Variants in STEAP1B observed in about 807,000 individuals in gnomAD.
STEAP1B encodes the protein STEAP family protein MGC87042.
A neutral mutation model predicts 27.9 loss-of-function variants in STEAP1B; 13 were observed. The ratio of observed to expected loss-of-function variants is 0.47; its 90% confidence interval spans 0.30 to 0.74. STEAP1B has a LOEUF of 0.74. Among genes scored for constraint, STEAP1B ranks in the 30% least tolerant of loss-of-function variants. STEAP1B has a pLI of 0.06. For synonymous variants in STEAP1B, 86 were observed against 107.1 expected (o/e 0.80, Z 1.22); for missense variants, 250 against 298.7 (o/e 0.84, Z 1.20).
chr7:22,456,917 G>C (rs1295245882), intron 4 of STEAP1B, among the ~76,000 whole-genome samples: 1 of 136,816 alleles, frequency 7.3e-6, no homozygotes, highest in African/African-American at 2.8e-5. Flanking sequence ...CTGCACCGCA[G>C]ACCACCTGAT....
At chr7:22,454,379 G>A (rs904525365) in intron 4 of STEAP1B, among the ~76,000 whole-genome samples, 9 of 152,130 alleles carry the variant, frequency 5.9e-5, no homozygotes, top group Admixed American at 2.6e-4. Context: ...CTATAGTGCT[G>A]TACTGGTGGA....
chr7:22,491,064 G>T lies in STEAP1B; in HGVS notation c.762+1501C>A, dbSNP rs116701718. 9.9e-4 allele frequency among the ~76,000 whole-genome samples: 150 copies of T among 152,280 alleles called. 1 individual carries two copies. Among genetic ancestry groups the T allele is most frequent in the African/African-American group, 3.3e-3 (138 of 41,554 alleles). ...TCTAGATTATTGCTTCAGCAATTCC[G>T]TTCATTTTGAAAAGTAGCAACTCAT... On this transcript the variant is annotated intron_variant, in intron 4 of 4. Coordinates refer to ENST00000678116, the MANE Select transcript of STEAP1B (RefSeq NM_001382447.1).
At chr7:22,463,367 A>C (rs1464691056) in intron 4 of STEAP1B, among the ~76,000 whole-genome samples, 1 of 152,202 alleles carries the variant, frequency 6.6e-6, no homozygotes, top group South Asian at 2.1e-4. Flanking sequence ...TATCATGAAA[A>C]TGGCCATACT....
chr7:22,469,614 T>G (rs921100866), intron 4 of STEAP1B, among the ~76,000 whole-genome samples: 7 of 152,288 alleles, frequency 4.6e-5, no homozygotes, highest in African/African-American at 1.7e-4. Flanking sequence ...GACAAACACT[T>G]ACCACCGTGA....
intron 4 of STEAP1B, among the ~76,000 whole-genome samples, chr7:22,468,625 C>G (rs1785827482): frequency 6.6e-6 from 1 of 151,998 alleles, no homozygotes; most frequent in Non-Finnish European, 1.5e-5. Flanking sequence ...TATATTCTAG[C>G]TGATAAATAT....
chr7:22,464,355 G>A (rs77916234), intron 4 of STEAP1B, among the ~76,000 whole-genome samples: 5,252 of 152,084 alleles, frequency 0.035, 292 homozygotes, highest in African/African-American at 0.12. Flanking sequence ...ACAGCTGTTC[G>A]GGTTTACTGA....
chr7:22,423,465 T>A (rs1242397637), intron 4 of STEAP1B, among the ~76,000 whole-genome samples: 1 of 152,204 alleles, frequency 6.6e-6, no homozygotes, highest in Non-Finnish European at 1.5e-5. Flanking sequence ...TGCTGCAACA[T>A]GTCTAAACCT....
chr7:22,499,426 C>A (rs1786498129), intron 1 of STEAP1B, among the ~76,000 whole-genome samples: 2 of 151,738 alleles, frequency 1.3e-5, no homozygotes, highest in African/African-American at 4.9e-5. Context: ...CATTGCTTTC[C>A]CTCTGTGCTT....
chr7:22,467,922 C>T (rs1169181211), intron 4 of STEAP1B, among the ~76,000 whole-genome samples: 2 of 152,150 alleles, frequency 1.3e-5, no homozygotes, highest in African/African-American at 2.4e-5. Context: ...ATTCCTTTGG[C>T]AAAGAGTTCC....
At chr7:22,442,047 G>A (rs1238384256) in intron 4 of STEAP1B, among the ~76,000 whole-genome samples, 4 of 152,348 alleles carry the variant, frequency 2.6e-5, no homozygotes, top group South Asian at 2.1e-4. Context: ...ATGCTCCTAT[G>A]CTCCTACCCA....
intron 4 of STEAP1B, among the ~76,000 whole-genome samples, chr7:22,478,748 A>C (rs996456265): frequency 1.4e-4 from 22 of 152,230 alleles, no homozygotes; most frequent in Non-Finnish European, 2.8e-4. Context: ...GTCCAGTAGC[A>C]GTTGCCACAT....
At chr7:22,466,908 T>C (rs1285310153) in intron 4 of STEAP1B, among the ~76,000 whole-genome samples, 1 of 152,216 alleles carries the variant, frequency 6.6e-6, no homozygotes, top group African/African-American at 2.4e-5. Context: ...TGCCTCTCTT[T>C]GATTTTCTCA....
chr7:22,479,625 C>G (rs1480199971), intron 4 of STEAP1B, among the ~76,000 whole-genome samples: 2 of 151,286 alleles, frequency 1.3e-5, no homozygotes, highest in African/African-American at 4.9e-5. Context: ...AGGCATCAAC[C>G]TCTCTCCCCC....
chr7:22,470,528 T>C (rs966595840), intron 4 of STEAP1B, among the ~76,000 whole-genome samples: 2 of 152,136 alleles, frequency 1.3e-5, no homozygotes, highest in South Asian at 2.1e-4. Flanking sequence ...CCCAGCACTT[T>C]GGGAGGCTGA....
chr7:22,446,868 G>A (rs1785417463), intron 4 of STEAP1B, among the ~76,000 whole-genome samples: 1 of 152,132 alleles, frequency 6.6e-6, no homozygotes, highest in African/African-American at 2.4e-5. Flanking sequence ...GACAGTATCT[G>A]GGAAAACACT....
chr7:22,434,105 T>C (rs1785224810), intron 4 of STEAP1B, among the ~76,000 whole-genome samples: 1 of 152,204 alleles, frequency 6.6e-6, no homozygotes, highest in Non-Finnish European at 1.5e-5. Context: ...AGGCCAAGGA[T>C]GCAGAGATAA....
At chr7:22,498,210 G>C (rs1786475213) in intron 1 of STEAP1B, among the ~76,000 whole-genome samples, 2 of 152,238 alleles carry the variant, frequency 1.3e-5, no homozygotes, top group African/African-American at 4.8e-5. Context: ...AGGGGGTTGG[G>C]GACCCCTGCA....
At chr7:22,441,630 C>A (rs10225006) in intron 4 of STEAP1B, among the ~76,000 whole-genome samples, 2 of 152,162 alleles carry the variant, frequency 1.3e-5, no homozygotes, top group East Asian at 1.9e-4. Context: ...CATGGCCCCC[C>A]ACATCTCTTG....
intron 4 of STEAP1B, among the ~76,000 whole-genome samples, chr7:22,428,379 T>C (rs1785135836): frequency 1.3e-5 from 2 of 152,080 alleles, no homozygotes; most frequent in African/African-American, 2.4e-5. Context: ...TAAAATGAAT[T>C]CGATCAATGG....
Sources: allele counts gnomAD v4.1 joint callset (sites outside exome capture counted in the v4.1 genomes callset), GRCh38; gene constraint gnomAD v4.1.1; transcripts MANE v1.5; gene names NCBI Gene and HGNC (gene_info 2026-07-23, HGNC 2026-07-21).